The following GSE1 variants were observed in gnomAD, a reference collection of about 807,000 sequenced individuals.
GSE1 encodes the protein Gse1 coiled-coil protein.
A neutral mutation model predicts 112.6 loss-of-function variants in GSE1; 32 were observed. The ratio of observed to expected loss-of-function variants is 0.28; its 90% CI spans 0.21 to 0.38. The LOEUF (loss-of-function observed/expected upper bound fraction) is 0.38, where lower values mean the gene tolerates loss of function less well. GSE1 is among the 10% of genes least tolerant of loss of function. GSE1 has a pLI of 1.00. For synonymous variants in GSE1, 1,115 were observed against 735.6 expected, an observed-to-expected ratio of 1.52 and a Z score of -8.35; for missense variants, 2,348 against 1,699.2, an observed-to-expected ratio of 1.38 and a Z score of -6.71.
chr16:85,191,294 GTATA>G, intron 1 of GSE1, among the ~76,000 whole-genome samples: 1 of 152,124 alleles, frequency 6.6e-6, no homozygotes, highest in East Asian at 1.9e-4. Context: ...AACAACAAAT[GTATA>G]TATATAAAAT....
intron 1 of GSE1, among the ~76,000 whole-genome samples, chr16:85,621,390 A>C (rs1598414031): frequency 6.6e-6 from 1 of 152,174 alleles, no homozygotes; most frequent in Non-Finnish European, 1.5e-5. Flanking sequence ...GTGTGCAGGG[A>C]GTGGAGTGTG....
intron 1 of GSE1, among the ~76,000 whole-genome samples, chr16:85,188,823 AAAC>A (rs2074763372): frequency 1.3e-5 from 2 of 151,816 alleles, no homozygotes; most frequent in South Asian, 2.1e-4. Flanking sequence ...AAAAAAAACA[AAAC>A]AAAAAAACAC....
chr16:85,627,516 C>A (rs951584761), intron 1 of GSE1, among the ~76,000 whole-genome samples: 2 of 151,728 alleles, frequency 1.3e-5, no homozygotes, highest in Admixed American at 6.6e-5. Context: ...GTCAAGGTGG[C>A]AGCTGACAGT....
intron 1 of GSE1, among the ~76,000 whole-genome samples, chr16:85,258,869 C>T (rs958680240): frequency 3.9e-5 from 6 of 152,290 alleles, no homozygotes; most frequent in Admixed American, 2.6e-4. Context: ...TTGTTCTGCC[C>T]ATTGTTCTGC....
intron 1 of GSE1, among the ~76,000 whole-genome samples, chr16:85,627,678 C>G (rs935366802): frequency 1.3e-5 from 2 of 152,190 alleles, no homozygotes; most frequent in Admixed American, 6.5e-5. Flanking sequence ...CCCGGCCCCC[C>G]GGCCCCCCGG....
At chr16:85,452,258 A>T (rs2049707931) in intron 2 of GSE1, among the ~76,000 whole-genome samples, 1 of 152,148 alleles carries the variant, frequency 6.6e-6, no homozygotes, top group African/African-American at 2.4e-5. Flanking sequence ...ATGATGTTTG[A>T]TGGCCCTGCC....
chr16:85,647,839 C>G (rs528632782), intron 2 of GSE1, among the ~76,000 whole-genome samples: 6 of 152,178 alleles, frequency 3.9e-5, no homozygotes, highest in African/African-American at 2.4e-5. Context: ...TCTGCCTCGG[C>G]CTCCCAAAGT....
At chr16:85,471,704 C>G (rs989585034) in intron 2 of GSE1, among the ~76,000 whole-genome samples, 5 of 127,122 alleles carry the variant, frequency 3.9e-5, no homozygotes, top group East Asian at 2.7e-4. Context: ...TGCACCCAGC[C>G]CATTTATTTC....
At position 85,360,683 on chromosome 16, in the gene GSE1, A is replaced by T. The variant is rs530433549; in HGVS notation, c.2464+3040A>T. 3.0e-3 allele frequency among the ~76,000 whole-genome samples: 458 copies of T among 152,260 alleles called. 10 individuals are homozygous for T. Among genetic ancestry groups the T allele is most frequent in the Non-Finnish European group, 3.2e-4 (22 of 68,012 alleles). On this transcript the variant is annotated intron_variant, in intron 2 of 2. Transcript: ENST00000637419. ...AGACATGCAGACGCACGAGACAGAC[A>T]CAGACACAGTACATACACGCAAACA...
chr16:85,616,997 C>T (rs902888057), intron 1 of GSE1, among the ~76,000 whole-genome samples: 17 of 152,204 alleles, frequency 1.1e-4, no homozygotes, highest in Non-Finnish European at 4.4e-5. Context: ...CTCTGATTCC[C>T]CACCAGCCTC....
In GSE1 at chr16:85,596,070, A is replaced by G. The variant is rs112126291; in HGVS notation, c.37+39707A>G. 6.2e-3 allele frequency among the ~76,000 whole-genome samples: 926 copies of G among 148,976 alleles called. 8 individuals carry two copies. Among genetic ancestry groups the G allele is most frequent in the African/African-American group, 0.022 (875 of 40,036 alleles). Reference sequence around the variant, plus strand: ...CATTCCTCCGTCCACCCCTGAACCCATCTGTCCCTCAACCCATGCACTCAT... The same window carrying G: ...CATTCCTCCGTCCACCCCTGAACCCGTCTGTCCCTCAACCCATGCACTCAT... On this transcript the variant is annotated intron_variant, in intron 1 of 2. Coordinates refer to the GSE1 transcript ENST00000635906.
intron 13 of GSE1, chr16:85,666,679 A>G: frequency 3.3e-6 from 1 of 305,346 alleles, no homozygotes; most frequent in South Asian, 3.7e-5. Flanking sequence ...CAAAGGCAGG[A>G]AGAGCACTTG....
intron 2 of GSE1, among the ~76,000 whole-genome samples, chr16:85,445,277 C>T (rs2049481073): frequency 6.6e-6 from 1 of 152,246 alleles, no homozygotes; most frequent in South Asian, 2.1e-4. Context: ...GTGTGGCCGC[C>T]ACTGCTGCTA....
At chr16:85,572,454 CCACA>C (rs1335070128) in intron 1 of GSE1, among the ~76,000 whole-genome samples, 3 of 107,324 alleles carry the variant, frequency 2.8e-5, no homozygotes, top group South Asian at 3.2e-4. Flanking sequence ...ACAGCACATA[CCACA>C]CACACAACAC....
intron 3 of GSE1, among the ~76,000 whole-genome samples, chr16:85,652,545 AGGCGGCGGC>A (rs142500416): frequency 2.5e-4 from 37 of 150,954 alleles, no homozygotes; most frequent in African/African-American, 5.6e-4. Flanking sequence ...TGAAGATTCC[AGGCGGCGGC>A]GGCGGCGGCG....
intron 1 of GSE1, among the ~76,000 whole-genome samples, chr16:85,332,917 C>G (rs2046406403): frequency 6.6e-6 from 1 of 152,052 alleles, no homozygotes; most frequent in South Asian, 2.1e-4. Flanking sequence ...ATCCCCTGTA[C>G]CAGCCGGGGC....
In GSE1 at chr16:85,415,477, G is replaced by C. The variant is rs866302565; in HGVS notation, c.2464+57834G>C. Among the ~76,000 whole-genome samples, 5 of 152,246 alleles carry C rather than the reference G, an allele frequency of 3.3e-5. No homozygotes were observed. The South Asian group carries it at 6.2e-4, about 19-fold the overall frequency. On this transcript the variant is annotated intron_variant, in intron 2 of 2. Coordinates refer to the GSE1 transcript ENST00000637419. ...GCAAACTTGCCATCCTAGAGATGCA[G>C]AGCTGGCAAACCGGGTCCTCACCCT...
At chr16:85,552,943 G>A (rs914343959), upstream of GSE1, among the ~76,000 whole-genome samples, 5 of 152,258 alleles carry the variant, frequency 3.3e-5, no homozygotes, top group Non-Finnish European at 5.9e-5. Context: ...GTGGAGGAAG[G>A]TTTAGTATTA....
intron 1 of GSE1, among the ~76,000 whole-genome samples, chr16:85,246,431 C>T (rs1398139562): frequency 1.5e-5 from 1 of 65,484 alleles, no homozygotes; most frequent in Non-Finnish European, 3.2e-5. Flanking sequence ...ACCCCATGCT[C>T]TCTACACACA....
Sources: gnomAD v4.1 joint callset for allele counts (sites outside exome capture counted in the v4.1 genomes callset) on GRCh38, gnomAD v4.1.1 for gene constraint, MANE v1.5 for transcripts, NCBI Gene and HGNC (gene_info 2026-07-23, HGNC 2026-07-21) for gene names.